CDH4: variants seen among roughly 807,000 people sequenced by gnomAD.
CDH4 encodes the protein cadherin-4.
Under a neutral mutation model 86.0 loss-of-function variants are expected in CDH4, and 33 were observed. The observed-to-expected ratio is 0.38, with a 90% CI of 0.29 to 0.51. The LOEUF is 0.51. Among genes scored for constraint, CDH4 ranks in the 20% least tolerant of loss-of-function variants. CDH4 has a pLI of 0.86. For synonymous variants in CDH4, 555 were observed against 549.4 expected (o/e 1.01, Z -0.14); for missense variants, 1,114 against 1,307.4 (o/e 0.85, Z 2.28).
intron 2 of CDH4, among the ~76,000 whole-genome samples, chr20:61,693,240 G>A (rs1267791172): frequency 6.6e-6 from 1 of 152,124 alleles, no homozygotes; most frequent in Non-Finnish European, 1.5e-5. Flanking sequence ...CTGTGATGAA[G>A]GCCAGTGCAG....
intron 2 of CDH4, among the ~76,000 whole-genome samples, chr20:61,697,983 G>A (rs1402933143): frequency 6.6e-6 from 1 of 152,270 alleles, no homozygotes; most frequent in African/African-American, 2.4e-5. Context: ...GCCAGGAGAA[G>A]AGGGTTCTGG....
chr20:61,808,088 A>G (rs1170110763), intron 4 of CDH4, among the ~76,000 whole-genome samples: 1 of 152,132 alleles, frequency 6.6e-6, no homozygotes, highest in Non-Finnish European at 1.5e-5. Flanking sequence ...CCTGCCACAC[A>G]GAAGCAGCAT....
intron 2 of CDH4, among the ~76,000 whole-genome samples, chr20:61,451,950 C>T (rs2085383193): frequency 6.6e-6 from 1 of 152,230 alleles, no homozygotes; most frequent in Admixed American, 6.5e-5. Flanking sequence ...AATTGCCTAA[C>T]ACTTAACTTC....
chr20:61,686,717 G>A (rs890902555), intron 2 of CDH4, among the ~76,000 whole-genome samples: 6 of 151,434 alleles, frequency 4.0e-5, no homozygotes, highest in Admixed American at 1.3e-4. Flanking sequence ...GTGCATTCCC[G>A]TGTGTGTGCC....
In CDH4 at chr20:61,810,506, G is replaced by T. The variant is rs1277147956; in HGVS notation, c.577-34162G>T. ...ACCCGCAGTGGGAAGGAGCAAGGGA[G>T]CGTGTACGGGAACCAGAATCAGGGA... On this transcript the variant is annotated intron_variant, in intron 4 of 15. Coordinates refer to ENST00000614565, the MANE Select transcript of CDH4 (RefSeq NM_001794.5). This position sits in a 1 kb window ranked among gnomAD's most constrained non-coding sequence, Gnocchi z 4.3. Among the ~76,000 whole-genome samples the T allele has an allele frequency of 1.3e-5, 2 of 152,162 alleles. No individual in the cohort carries two copies. The highest frequency in any genetic ancestry group is 2.9e-5 in the Non-Finnish European group (2 of 68,022).
chr20:61,874,383 C>G (rs1983931326), intron 7 of CDH4, among the ~76,000 whole-genome samples: 1 of 152,196 alleles, frequency 6.6e-6, no homozygotes. Context: ...CTGAAACCAT[C>G]ACAGCCAAAT....
rs567033476 is a variant in CDH4, at chr20:61,305,003, T to G, written c.169+50066T>G. Among the ~76,000 whole-genome samples, 22 of 151,874 alleles carry G rather than the reference T, an allele frequency of 1.4e-4. No homozygotes were observed. The East Asian group carries it at 3.5e-3, about 24-fold the overall frequency. ...GTGGGTGTGTGTACAGTGTGTTGCC[T>G]GTGTTGGGCATGCAGCATGTGTGTT... On this transcript the variant is annotated intron_variant, in intron 2 of 15. Coordinates refer to ENST00000614565, the MANE Select transcript of CDH4 (RefSeq NM_001794.5).
At chr20:61,908,406 T>C (rs1405074627) in intron 8 of CDH4, among the ~76,000 whole-genome samples, 1 of 152,218 alleles carries the variant, frequency 6.6e-6, no homozygotes, top group African/African-American at 2.4e-5. Context: ...CTTTGTCCAC[T>C]GGTCTAATGG....
chr20:61,732,032 C>T (rs2088196215), intron 2 of CDH4, among the ~76,000 whole-genome samples: 1 of 152,210 alleles, frequency 6.6e-6, no homozygotes. Flanking sequence ...ACTCTGTCCT[C>T]TCTCTCCCTC....
At chr20:61,769,350 C>T (rs777167840) in intron 3 of CDH4, among the ~76,000 whole-genome samples, 1 of 152,204 alleles carries the variant, frequency 6.6e-6, no homozygotes, top group Non-Finnish European at 1.5e-5. Flanking sequence ...CTGGGACCAG[C>T]CTGGGAGCTC....
intron 2 of CDH4, among the ~76,000 whole-genome samples, chr20:61,388,453 A>G (rs1378992349): frequency 6.6e-6 from 1 of 151,952 alleles, no homozygotes; most frequent in Non-Finnish European, 1.5e-5. Flanking sequence ...CTCATGTCAT[A>G]CTTGGAAGCC....
At chr20:61,768,232 A>G (rs1447021711) in intron 3 of CDH4, among the ~76,000 whole-genome samples, 1 of 152,198 alleles carries the variant, frequency 6.6e-6, no homozygotes, top group Non-Finnish European at 1.5e-5. Flanking sequence ...AGCAATGCGT[A>G]CCTGTGCATG....
At chr20:61,542,773 C>G (rs1013426797) in intron 2 of CDH4, among the ~76,000 whole-genome samples, 1 of 152,136 alleles carries the variant, frequency 6.6e-6, no homozygotes, top group African/African-American at 2.4e-5. Flanking sequence ...AGGGACAGAA[C>G]TAATAGGAGA....
At chr20:61,599,268 G>C (rs1568705558) in intron 2 of CDH4, among the ~76,000 whole-genome samples, 2 of 152,166 alleles carry the variant, frequency 1.3e-5, no homozygotes, top group Non-Finnish European at 2.9e-5. Context: ...CTTTCACCCG[G>C]CTGAGCGGGC....
At position 61,902,996 on chromosome 20, in the gene CDH4, G is replaced by A. The variant is rs2054744321; in HGVS notation, c.1189-7426G>A. The stretch of plus-strand genomic sequence containing the variant: ...ATCATGCCACTAAACTCCAGCCTGG[G>A]CAACAGAGCAAGACTGTCTCAAAAA... On this transcript the variant is annotated intron_variant, in intron 8 of 15. Coordinates refer to ENST00000614565, the MANE Select transcript of CDH4 (RefSeq NM_001794.5). This position sits in a 1 kb window ranked among gnomAD's most constrained non-coding sequence, Gnocchi z 4.6. Among the ~76,000 whole-genome samples the A allele has an allele frequency of 7.9e-6, 1 of 126,152 alleles. No individual in the cohort carries two copies. The highest frequency in any genetic ancestry group is 9.2e-5 in the Admixed American group (1 of 10,880). The allele number at this position is 126,152 out of a possible 152,430, so 82.8% of individuals were successfully genotyped here.
intron 7 of CDH4, among the ~76,000 whole-genome samples, chr20:61,889,556 G>A (rs552683661): frequency 1.6e-4 from 23 of 142,358 alleles, no homozygotes; most frequent in African/African-American, 6.0e-4. Context: ...GATGGATGAT[G>A]GATGGGTAGA....
intron 2 of CDH4, among the ~76,000 whole-genome samples, chr20:61,309,773 G>A (rs577387102): frequency 3.8e-4 from 30 of 78,150 alleles, no homozygotes; most frequent in Non-Finnish European, 6.8e-4. Context: ...TGAACATATA[G>A]CAAGTGCCAG....
intron 2 of CDH4, among the ~76,000 whole-genome samples, chr20:61,646,152 T>C (rs1037148746): frequency 1.3e-5 from 2 of 152,092 alleles, no homozygotes; most frequent in African/African-American, 4.8e-5. Context: ...GGACCGAGCA[T>C]GCAGTGTGAT....
chr20:61,810,288 G>A lies in CDH4; in HGVS notation c.577-34380G>A, dbSNP rs117210796. Among the ~76,000 whole-genome samples the A allele has an allele frequency of 3.7e-3, 557 of 152,324 alleles. 13 individuals are homozygous for A. The East Asian group carries it at 0.068, about 18-fold the overall frequency. Reference sequence around the variant, plus strand: ...GTATGGCCACATGTGGCTATCCACCGGGCCAGTCGGGGCGGCTGTGCCAGG... The same window carrying A: ...GTATGGCCACATGTGGCTATCCACCAGGCCAGTCGGGGCGGCTGTGCCAGG... On this transcript the variant is annotated intron_variant, in intron 4 of 15. Transcript: ENST00000614565. This position sits in a 1 kb window ranked among gnomAD's most constrained non-coding sequence, Gnocchi z 4.3.
Sources: allele counts gnomAD v4.1 joint callset (sites outside exome capture counted in the v4.1 genomes callset), GRCh38; gene constraint gnomAD v4.1.1; non-coding constraint Gnocchi (gnomAD v3.1); transcripts MANE v1.5; gene names NCBI Gene and HGNC (gene_info 2026-07-23, HGNC 2026-07-21).